LMO7: variants seen among roughly 807,000 people sequenced by gnomAD.
LMO7 encodes LIM domain only protein 7.
In LMO7, 120 loss-of-function variants were observed where a neutral mutation model predicts 206.5. The observed-to-expected ratio is 0.58, with a 90% CI of 0.50 to 0.68. LMO7 has a LOEUF of 0.68. Among genes scored for constraint, LMO7 ranks in the 30% least tolerant of loss-of-function variants. The pLI is 0.00. For synonymous variants in LMO7, 706 were observed against 681.5 expected, an observed-to-expected ratio of 1.04 and a Z score of -0.56; for missense variants, 1,959 against 1,957.9, an observed-to-expected ratio of 1.00 and a Z score of -0.01.
At chr13:75,720,324 T>A (rs1322619493) in intron 2 of LMO7, among the ~76,000 whole-genome samples, 1 of 152,212 alleles carries the variant, frequency 6.6e-6, no homozygotes, top group Admixed American at 6.5e-5. Flanking sequence ...AAAGCAGATA[T>A]TTTTAATTTT....
chr13:75,815,593 G>A (rs1215686328), intron 11 of LMO7, among the ~76,000 whole-genome samples: 1 of 152,220 alleles, frequency 6.6e-6, no homozygotes, highest in Non-Finnish European at 1.5e-5. Context: ...GGGGTCCTGA[G>A]GTATGAATGG....
intron 3 of LMO7, chr13:75,760,430 G>A (rs2048060908): frequency 1.8e-6 from 2 of 1,124,076 alleles, no homozygotes; most frequent in Non-Finnish European, 2.2e-6. Flanking sequence ...CAGATTCCAG[G>A]TGTGGTATTC....
At chr13:75,772,558 G>A (rs2049899682) in intron 4 of LMO7, among the ~76,000 whole-genome samples, 1 of 152,066 alleles carries the variant, frequency 6.6e-6, no homozygotes, top group Non-Finnish European at 1.5e-5. Context: ...ACCTGCTCAA[G>A]GTCATAGGCT....
intron 1 of LMO7, among the ~76,000 whole-genome samples, chr13:75,696,388 C>A (rs1212941584): frequency 6.6e-6 from 1 of 151,774 alleles, no homozygotes; most frequent in Non-Finnish European, 1.5e-5. Flanking sequence ...CAAACAAAAA[C>A]CCGAAGCATT....
chr13:75,686,425 C>G (rs928052202), intron 1 of LMO7, among the ~76,000 whole-genome samples: 25 of 152,172 alleles, frequency 1.6e-4, no homozygotes, highest in African/African-American at 6.0e-4. Flanking sequence ...TATCTCCCAC[C>G]TGGTCCCTCC....
At chr13:75,733,210 C>T (rs1320041352) in intron 3 of LMO7, among the ~76,000 whole-genome samples, 1 of 152,244 alleles carries the variant, frequency 6.6e-6, no homozygotes, top group Non-Finnish European at 1.5e-5. Flanking sequence ...TTTTGTTTGT[C>T]TGTGCCCTGC....
In LMO7 at chr13:75,695,950, G is replaced by A. The variant is rs550569822; in HGVS notation, c.70-17232G>A. ...ACCTAGATCTAGCCATTAAAAATAG[G>A]GGAAAACTGGTCCCAAGGCTGTTTA... On this transcript the variant is annotated intron_variant, in intron 1 of 30. Coordinates refer to ENST00000377534, the MANE Select transcript of LMO7 (RefSeq NM_001306080.2). Among the ~76,000 whole-genome samples the A allele has an allele frequency of 1.5e-3, 229 of 152,276 alleles. 1 individual carries two copies. Among genetic ancestry groups the A allele is most frequent in the African/African-American group, 5.4e-3 (225 of 41,536 alleles).
At chr13:75,645,060 A>T (rs566401601) in intron 1 of LMO7, among the ~76,000 whole-genome samples, 6 of 152,356 alleles carry the variant, frequency 3.9e-5, no homozygotes, top group African/African-American at 1.4e-4. Context: ...ATTGAGTTAT[A>T]CTTTGAGCTA....
chr13:75,659,830 T>G lies in LMO7; in HGVS notation c.69+23104T>G, dbSNP rs554832505. 2.4e-3 allele frequency among the ~76,000 whole-genome samples: 365 copies of G among 152,378 alleles called. 2 individuals are homozygous for G. The highest frequency in any genetic ancestry group is 4.6e-3 in the South Asian group (22 of 4,830). On this transcript the variant is annotated intron_variant, in intron 1 of 30. Coordinates refer to ENST00000377534, the MANE Select transcript of LMO7 (RefSeq NM_001306080.2). ...ATTTTATCTAAGACTTTTTCTCTTT[T>G]ATATTCTTAAGTGAATTGTCCCTGC...
At chr13:75,805,341 G>A (rs978985041) in intron 8 of LMO7, 138 bp from the exon 9 acceptor site, 23 of 1,017,044 alleles carry the variant, frequency 2.3e-5, no homozygotes, top group African/African-American at 3.3e-5. Context: ...TGTCCTAGGA[G>A]CTGTGGTGGT....
chr13:75,737,597 C>T (rs1275519636), intron 3 of LMO7, among the ~76,000 whole-genome samples: 1 of 146,272 alleles, frequency 6.8e-6, no homozygotes, highest in Non-Finnish European at 1.5e-5. Flanking sequence ...ACTAAAAATA[C>T]AAAAAATTAG....
intron 7 of LMO7, among the ~76,000 whole-genome samples, chr13:75,802,647 C>T (rs886747035): frequency 6.6e-6 from 1 of 152,158 alleles, no homozygotes; most frequent in Admixed American, 6.5e-5. Flanking sequence ...AGGCCACTGT[C>T]ACATCCCTTT....
At chr13:75,642,992 G>A (rs969430007) in intron 1 of LMO7, among the ~76,000 whole-genome samples, 23 of 152,182 alleles carry the variant, frequency 1.5e-4, no homozygotes, top group African/African-American at 5.6e-4. Flanking sequence ...TGGCCCTTGC[G>A]AAGAAGCCTT....
intron 1 of LMO7, among the ~76,000 whole-genome samples, chr13:75,698,945 T>C (rs967794544): frequency 3.3e-5 from 5 of 152,196 alleles, no homozygotes; most frequent in Non-Finnish European, 7.3e-5. Context: ...AAAGAAAACA[T>C]GTATTCATTA....
intron 3 of LMO7, among the ~76,000 whole-genome samples, chr13:75,735,073 G>A (rs1261222389): frequency 1.3e-5 from 2 of 151,380 alleles, no homozygotes; most frequent in Non-Finnish European, 2.9e-5. Context: ...ACTCCAGCCT[G>A]TGCGACAGAG....
intron 23 of LMO7, 24 bp downstream of exon 23, chr13:75,841,225 A>T (rs2059534254): frequency 6.8e-7 from 1 of 1,475,376 alleles, no homozygotes; most frequent in Non-Finnish European, 9.4e-7. Flanking sequence ...ATGCCTGTTT[A>T]GTTTTTCTTC....
At position 75,807,542 on chromosome 13, in the gene LMO7, A is replaced by T. The variant is rs370413638; in HGVS notation, c.1259A>T (p.His420Leu). ...YSDDILSSETHTKIDPTSGPR... is the reference protein window; with the variant it reads ...YSDDILSSETLTKIDPTSGPR... Reference sequence around the variant, plus strand: ...GATGACATCTTGTCTTCTGAAACACATACCAAAATTGATCCCACTTCTGGC... The same window carrying T: ...GATGACATCTTGTCTTCTGAAACACTTACCAAAATTGATCCCACTTCTGGC... The change falls in exon 10 of 31, where the codon CAT becomes CTT. Residue 420 changes from histidine to leucine, a missense_variant. His to Leu is a moderately conservative substitution (Grantham distance 99, BLOSUM62 -3). Coordinates refer to ENST00000377534, the MANE Select transcript of LMO7 (RefSeq NM_001306080.2). 2 of 1,613,922 alleles carry T rather than the reference A, an allele frequency of 1.2e-6. No individual in the cohort carries two copies. Among genetic ancestry groups the T allele is most frequent in the Non-Finnish European group, 1.7e-6 (2 of 1,179,862 alleles).
chr13:75,721,151 CA>C lies in LMO7; in HGVS notation c.141-5871del, dbSNP rs1332477707. ...TATCAAGGTTTGACTTTTCTGGCAA[CA>C]AAAAAATACTAGGGAGGAGTGTTGT... On this transcript the variant is annotated intron_variant, in intron 2 of 30. Transcript: ENST00000377534. Among the ~76,000 whole-genome samples the C allele has an allele frequency of 7.9e-5, 12 of 151,948 alleles. No homozygotes were observed. The East Asian group carries it at 1.4e-3, about 17-fold the overall frequency.
At chr13:75,630,458 A>G (rs1337475380) in intron 2 of LMO7, among the ~76,000 whole-genome samples, 1 of 152,178 alleles carries the variant, frequency 6.6e-6, no homozygotes, top group Non-Finnish European at 1.5e-5. Flanking sequence ...GGATTGCTTG[A>G]GTTCAGGAGT....
Sources: allele counts gnomAD v4.1 joint callset (sites outside exome capture counted in the v4.1 genomes callset), GRCh38; gene constraint gnomAD v4.1.1; transcripts MANE v1.5; gene names NCBI Gene and HGNC (gene_info 2026-07-23, HGNC 2026-07-21).